NEK9: variants seen among roughly 807,000 people sequenced by gnomAD.
NEK9 encodes the protein NIMA related kinase 9, also known as serine/threonine-protein kinase Nek9.
NEK9 carries 75 observed loss-of-function variants against 123.4 expected under a neutral mutation model. The ratio of observed to expected loss-of-function variants is 0.61; its 90% CI spans 0.50 to 0.74. The LOEUF is 0.74. Ranked by LOEUF, NEK9 falls within the 30% of genes least tolerant of loss-of-function variation. The probability of loss-of-function intolerance (pLI) is 0.00; values close to 1 mark genes in which losing one functional copy is unlikely to be tolerated. For missense variants in NEK9, 952 were observed against 1,214.4 expected, an observed-to-expected ratio of 0.78 and a Z score of 3.21; for synonymous variants, 438 against 458.7, an observed-to-expected ratio of 0.95 and a Z score of 0.58.
rs1367076604 is a variant in NEK9, at chr14:75,079,910, A to T, written c.*4654T>A. On this transcript the variant is annotated 3_prime_UTR_variant, in exon 22 of 22. Coordinates refer to ENST00000238616, the MANE Select transcript of NEK9 (RefSeq NM_033116.6). ...CCTCCAGAGAGAACAAATTGTTGTT[A>T]TATGTGGGGAGTGCTTTCTAAAAAG... The T allele has an allele frequency of 2.0e-5, 3 of 152,212 alleles. No individual in the cohort carries two copies. The highest frequency in any genetic ancestry group is 7.2e-5 in the African/African-American group (3 of 41,438). 9.4% of individuals were successfully genotyped at this position (152,212 alleles called of 1,614,324 possible).
rs1428207695 is a variant in NEK9 at position 75,081,564 on chromosome 14, TG to T, written c.*2999del. 6.6e-6 allele frequency: 1 copy of T among 152,268 alleles called. No individual in the cohort carries two copies. The highest frequency in any genetic ancestry group is 1.5e-5 in the Non-Finnish European group (1 of 68,048). The allele number at this position is 152,268 out of a possible 1,614,324, so 9.4% of individuals were successfully genotyped here. ...TGGAGGTTTAGGGATTTCATGTGAA[TG>T]AATTTATTTAAAATGTATTCTTGCC... On this transcript the variant is annotated 3_prime_UTR_variant, in exon 22 of 22. Coordinates refer to ENST00000238616, the MANE Select transcript of NEK9 (RefSeq NM_033116.6). This position sits in a 1 kb window ranked among gnomAD's most constrained non-coding sequence, Gnocchi z 4.2.
intron 14 of NEK9, among the ~76,000 whole-genome samples, chr14:75,102,565 G>C (rs974503688): frequency 6.6e-6 from 1 of 151,808 alleles, no homozygotes; most frequent in Admixed American, 6.6e-5. Flanking sequence ...TGTTAGCCAG[G>C]ATGGTCTTGA....
intron 10 of NEK9, among the ~76,000 whole-genome samples, chr14:75,108,910 G>A (rs529842567): frequency 2.0e-5 from 3 of 152,258 alleles, no homozygotes; most frequent in South Asian, 2.1e-4. Context: ...GCCTGAGAAC[G>A]CATAGCAAGA....
chr14:75,097,271 C>A lies in NEK9; in HGVS notation c.2003-1G>T. 6.3e-7 allele frequency: 1 copy of A among 1,590,816 alleles called. No homozygotes were observed. The highest frequency in any genetic ancestry group is 8.6e-7 in the Non-Finnish European group (1 of 1,169,496). ...TTGCCCCAGGCAAAAATGTGATTAT[C>A]TAGGAAAAAAGTTAAACAGTAGACC... On this transcript the variant is annotated splice_acceptor_variant, in intron 16 of 21. Coordinates refer to ENST00000238616, the MANE Select transcript of NEK9 (RefSeq NM_033116.6). LOFTEE classifies it high-confidence loss of function.
chr14:75,120,855 T>C (rs529116888), intron 3 of NEK9: 6 of 597,968 alleles, frequency 1.0e-5, no homozygotes, highest in African/African-American at 1.9e-5. Flanking sequence ...TGCAAAGTTA[T>C]AGAAAACTGG....
Position 75,110,355 on chromosome 14 carries a change from C to T in NEK9, c.955G>A (p.Val319Ile), listed in dbSNP as rs1365052161. ...RKRRREMEEK[V>I]TLLNAPTKRP... ...TTTGTAGGTGCATTAAGCAGAGTGACTTTTTCCTCCATCTCTCTACCAAAA... is the reference window on the plus strand; with the variant it reads ...TTTGTAGGTGCATTAAGCAGAGTGATTTTTTCCTCCATCTCTCTACCAAAA... Residue 319 changes from valine (V) to isoleucine (I), a missense_variant, in exon 9 of 22, where the codon GTC becomes ATC. By Grantham distance (29) the Val-to-Ile change is conservative. Transcript: ENST00000238616. 1 of 1,613,332 alleles carries T rather than the reference C, an allele frequency of 6.2e-7. No individual in the cohort carries two copies. The highest frequency in any genetic ancestry group is 8.5e-7 in the Non-Finnish European group (1 of 1,179,418).
At chr14:75,091,783 C>T (rs922852041) in intron 18 of NEK9, 2 of 245,658 alleles carry the variant, frequency 8.1e-6, no homozygotes, top group African/African-American at 4.5e-5. Context: ...ACAATCCCCC[C>T]AACCACAGCC....
In NEK9 at chr14:75,126,757, G is replaced by T; in HGVS notation, c.165C>A (p.Ile55=). 6.6e-7 allele frequency: 1 copy of T among 1,509,382 alleles called. No individual in the cohort carries two copies. Among genetic ancestry groups the T allele is most frequent in the South Asian group, 1.2e-5 (1 of 80,020 alleles). 93.5% of individuals were successfully genotyped at this position (1,509,382 alleles called of 1,614,324 possible). A position where few individuals can be genotyped will look rare whatever the true frequency, so the allele number is the denominator to read the frequency against. ...CGAAGGCGCCGCGGCCCAGGACGCG[G>T]ATGGGGATGTAGTGCAGTTCCTCCT... ...AEQEELHYIP[I]RVLGRGAFGE... is the part of the protein sequence containing the mutation. Residue 55 remains isoleucine, a synonymous_variant, in exon 1 of 22, where the codon ATC becomes ATA. Coordinates refer to ENST00000238616, the MANE Select transcript of NEK9 (RefSeq NM_033116.6).
intron 13 of NEK9, among the ~76,000 whole-genome samples, chr14:75,104,488 C>CAT (rs1566649778): frequency 1.4e-5 from 2 of 142,400 alleles, no homozygotes; most frequent in Non-Finnish European, 3.1e-5. Context: ...TTCTTTTCTT[C>CAT]TTTTTTTTTT....
Position 75,079,531 on chromosome 14 carries a change from G to A in NEK9, c.*5033C>T, listed in dbSNP as rs1893807873. ...AAGTGGGAATGTAAACCAGTACATT[G>A]CAATAGATGGCAAGAGTAAGCTGTG... On this transcript the variant is annotated 3_prime_UTR_variant, in exon 22 of 22. Transcript: ENST00000238616. 6.6e-6 allele frequency: 1 copy of A among 152,222 alleles called. No individual in the cohort carries two copies. Among genetic ancestry groups the A allele is most frequent in the Non-Finnish European group, 1.5e-5 (1 of 68,040 alleles). 9.4% of individuals were successfully genotyped at this position (152,222 alleles called of 1,614,324 possible). A position where few individuals can be genotyped will look rare whatever the true frequency, so the allele number is the denominator to read the frequency against.
intron 4 of NEK9, 48 bp downstream of exon 4, chr14:75,120,462 G>T: frequency 1.5e-6 from 2 of 1,354,172 alleles, no homozygotes; most frequent in Non-Finnish European, 2.1e-6. Context: ...CACGGTAGGG[G>T]CTGAATTGGT....
chr14:75,099,914 AG>A (rs1315967554), intron 16 of NEK9, among the ~76,000 whole-genome samples: 3 of 151,552 alleles, frequency 2.0e-5, no homozygotes, highest in Non-Finnish European at 4.4e-5. Context: ...GCAGATCACG[AG>A]GTCAGGAGTT....
In NEK9 at chr14:75,081,921, A is replaced by T. The variant is rs537284120; in HGVS notation, c.*2643T>A. ...TTGGGAAAAAAGCTGTAGCAGCAGC[A>T]ATGATTCTGCTGGCAAGAATAAGAA... On this transcript the variant is annotated 3_prime_UTR_variant, in exon 22 of 22. Coordinates refer to ENST00000238616, the MANE Select transcript of NEK9 (RefSeq NM_033116.6). The surrounding 1 kb of genome is among the most constrained non-coding windows in gnomAD (Gnocchi z 4.2). 123 of 152,340 alleles carry T rather than the reference A, an allele frequency of 8.1e-4. 1 individual carries two copies. The highest frequency in any genetic ancestry group is 8.0e-3 in the Admixed American group (123 of 15,302). 9.4% of individuals were successfully genotyped at this position (152,340 alleles called of 1,614,324 possible).
At chr14:75,095,820 A>C (rs1042346142) in intron 17 of NEK9, among the ~76,000 whole-genome samples, 1 of 151,448 alleles carries the variant, frequency 6.6e-6, no homozygotes, top group African/African-American at 2.4e-5. Flanking sequence ...AGCCTGGGAG[A>C]GCGAAACTAC....
rs956174942 is a variant in NEK9, at chr14:75,080,289, C to G, written c.*4275G>C. The stretch of plus-strand genomic sequence containing the variant: ...AGGTTGCAGTGAGCTGAGATCGCGC[C>G]ACTGCACTCCAGCCTGGTGACCTAG... On this transcript the variant is annotated 3_prime_UTR_variant, in exon 22 of 22. Coordinates refer to ENST00000238616, the MANE Select transcript of NEK9 (RefSeq NM_033116.6). 1 of 149,510 alleles carries G rather than the reference C, an allele frequency of 6.7e-6. No homozygotes were observed. The highest frequency in any genetic ancestry group is 1.5e-5 in the Non-Finnish European group (1 of 67,730). 9.3% of individuals were successfully genotyped at this position (149,510 alleles called of 1,614,324 possible). A position where few individuals can be genotyped will look rare whatever the true frequency, so the allele number is the denominator to read the frequency against.
rs1261113883 is a variant in NEK9 at position 75,082,811 on chromosome 14, ATGC to A, written c.*1750_*1752del. 2 of 396,928 alleles carry A rather than the reference ATGC, an allele frequency of 5.0e-6. No homozygotes were observed. Among genetic ancestry groups the A allele is most frequent in the Non-Finnish European group, 8.9e-6 (2 of 225,498 alleles). The allele number at this position is 396,928 out of a possible 1,614,324, so 24.6% of individuals were successfully genotyped here. Reference sequence around the variant, plus strand: ...TCAAGAAAATCAAAGTTGCATTTACATGCTGAACCAAAACCCACTGTTACAGTT... The same window carrying A: ...TCAAGAAAATCAAAGTTGCATTTACATGAACCAAAACCCACTGTTACAGTT... On this transcript the variant is annotated 3_prime_UTR_variant, in exon 22 of 22. Transcript: ENST00000238616.
chr14:75,091,602 C>T, intron 18 of NEK9, 124 bp from the exon 19 acceptor site: 1 of 743,882 alleles, frequency 1.3e-6, no homozygotes, highest in Non-Finnish European at 2.0e-6. Flanking sequence ...GGCAACAGTG[C>T]AAGTCAAATG....
Position 75,097,109 on chromosome 14 carries a change from G to C in NEK9, c.2164C>G (p.Leu722Val). 1 of 1,606,982 alleles carries C rather than the reference G, an allele frequency of 6.2e-7. No homozygotes were observed. The highest frequency in any genetic ancestry group is 8.5e-7 in the Non-Finnish European group (1 of 1,176,512). The change falls in exon 17 of 22, where the codon CTC (leucine) becomes GTC (valine). Residue 722 changes from leucine to valine, a missense_variant. This residue lies in a region of NEK9 where 698 missense variants were observed against 875.6 expected (regional missense o/e 0.80). Transcript: ENST00000238616. ...CATATGAAACTCTTACCAACGATGAGAATGGTATGCCATCCACGGCAAGAC... is the reference window on the plus strand; with the variant it reads ...CATATGAAACTCTTACCAACGATGACAATGGTATGCCATCCACGGCAAGAC... ...DLSCRGWHTI[L>V]IVEKVLNSKT...
chr14:75,109,572 C>T (rs1247673764), intron 10 of NEK9, 113 bp downstream of exon 10: 4 of 911,970 alleles, frequency 4.4e-6, no homozygotes, highest in East Asian at 5.1e-5. Flanking sequence ...ATTCCATCAC[C>T]CCATGTTGCC....
Sources: gnomAD v4.1 joint callset for allele counts (sites outside exome capture counted in the v4.1 genomes callset) on GRCh38, gnomAD v4.1.1 for gene constraint, gnomAD v4.1.1 regional missense constraint, Gnocchi (gnomAD v3.1) non-coding constraint, MANE v1.5 for transcripts, NCBI Gene and HGNC (gene_info 2026-07-23, HGNC 2026-07-21) for gene names.